Variants in ADGRG1 observed in about 807,000 individuals in gnomAD.
ADGRG1 encodes adhesion G protein-coupled receptor G1.
A neutral mutation model predicts 73.5 loss-of-function variants in ADGRG1; 53 were observed. The ratio of observed to expected loss-of-function variants is 0.72; its 90% CI spans 0.58 to 0.91. The LOEUF (loss-of-function observed/expected upper bound fraction) is 0.91. ADGRG1 is among the 40% of genes least tolerant of loss of function. ADGRG1 has a pLI of 0.00. For missense variants in ADGRG1, 795 were observed against 871.8 expected, an observed-to-expected ratio of 0.91 and a Z score of 1.11; for synonymous variants, 394 against 374.4, an observed-to-expected ratio of 1.05 and a Z score of -0.60.
rs2047984309 is a variant in ADGRG1, at chr16:57,664,949, G to A, written c.*1367G>A. 1 of 153,200 alleles carries A rather than the reference G, an allele frequency of 6.5e-6. No homozygotes were observed. Among genetic ancestry groups the A allele is most frequent in the Non-Finnish European group, 1.5e-5 (1 of 68,036 alleles). 9.5% of individuals were successfully genotyped at this position (153,200 alleles called of 1,614,324 possible). ...CTTTTGATATTAAAAAGAAGTACATGTTCATTGTAGAGAATTTGGAAACTG... is the reference window on the plus strand; with the variant it reads ...CTTTTGATATTAAAAAGAAGTACATATTCATTGTAGAGAATTTGGAAACTG... On this transcript the variant is annotated 3_prime_UTR_variant, in exon 14 of 14. Coordinates refer to ENST00000562631, the MANE Select transcript of ADGRG1 (RefSeq NM_201525.4).
rs765396429 is a variant in ADGRG1, at chr16:57,656,533, G to C, written c.1083G>C (p.Trp361Cys). Residue 361 changes from tryptophan (W) to cysteine (C), a missense_variant, in exon 9 of 14, where the codon TGG becomes TGC. Trp to Cys is a radical substitution (Grantham distance 215). Coordinates refer to ENST00000562631, the MANE Select transcript of ADGRG1 (RefSeq NM_201525.4). ...EDPTLSSPGH[W>C]SSAGCETVRR... The stretch of plus-strand genomic sequence containing the variant: ...CCTCAGTGAGCAGCCCGGGGCATTG[G>C]AGCAGTGCTGGGTGTGAGACCGTCA... 1.2e-6 allele frequency: 2 copies of C among 1,613,562 alleles called. No homozygotes were observed. The highest frequency in any genetic ancestry group is 2.2e-5 in the South Asian group (2 of 91,070).
chr16:57,661,338 C>T (rs568274035), intron 12 of ADGRG1: 39 of 984,728 alleles, frequency 4.0e-5, no homozygotes, highest in Middle Eastern at 1.0e-3. Flanking sequence ...AGGCTGGCAG[C>T]GGCCCTGCCT....
intron 12 of ADGRG1, chr16:57,661,384 C>G: frequency 1.0e-6 from 1 of 985,308 alleles, no homozygotes; most frequent in Non-Finnish European, 1.2e-6. Flanking sequence ...AGCCAGGGTT[C>G]CTGAGCTCCA....
In ADGRG1 at chr16:57,651,460, G is replaced by A; in HGVS notation, c.325G>A (p.Asp109Asn). 1 of 1,614,226 alleles carries A rather than the reference G, an allele frequency of 6.2e-7. No individual in the cohort carries two copies. The highest frequency in any genetic ancestry group is 8.5e-7 in the Non-Finnish European group (1 of 1,180,038). ...ATTACATCTTCTCTATGGCAAGCGT[G>A]ACTTCTTGCTGAGTGACAAAGCCTC... ...GRLHLLYGKR[D>N]FLLSDKASSL... Residue 109 changes from aspartate to asparagine, a missense_variant, in exon 3 of 14, where the codon GAC becomes AAC. Transcript: ENST00000562631.
chr16:57,630,394 T>C (rs1413687942), intron 1 of ADGRG1: 3 of 985,780 alleles, frequency 3.0e-6, no homozygotes, highest in Non-Finnish European at 2.4e-6. Flanking sequence ...GGACCCGAGA[T>C]ATGCACCCAC....
Position 57,657,503 on chromosome 16 carries a change from A to C in ADGRG1, c.1286+12A>C. 1 of 1,595,956 alleles carries C rather than the reference A, an allele frequency of 6.3e-7. No homozygotes were observed. The highest frequency in any genetic ancestry group is 2.2e-5 in the East Asian group (1 of 44,764). ...TACCTCTGCTCCAGGTGAGGCCTGA[A>C]AGGGGTGGGACAGGGGAGGGGACCC... On this transcript the variant is annotated intron_variant, in intron 10 of 13. Coordinates refer to ENST00000562631, the MANE Select transcript of ADGRG1 (RefSeq NM_201525.4).
chr16:57,660,759 C>T lies in ADGRG1; in HGVS notation c.1556-9C>T, dbSNP rs753055286. 6 of 1,583,552 alleles carry T rather than the reference C, an allele frequency of 3.8e-6. No individual in the cohort carries two copies. The highest frequency in any genetic ancestry group is 5.2e-6 in the Non-Finnish European group (6 of 1,153,500). ...CGGGAAGTAGAGCAACATGCATTGC[C>T]ACCCTCAGGCTTCCCCATCTTTCTG... On this transcript the variant is annotated splice_polypyrimidine_tract_variant and intron_variant, in intron 11 of 13. Coordinates refer to ENST00000562631, the MANE Select transcript of ADGRG1 (RefSeq NM_201525.4).
upstream of ADGRG1, among the ~76,000 whole-genome samples, chr16:57,625,299 G>A (rs34028183): frequency 0.021 from 3,261 of 152,204 alleles, 101 homozygotes; most frequent in East Asian, 0.16. Context: ...ACACAGAGCT[G>A]CCCCCATTCC....
chr16:57,651,262 A>G lies in ADGRG1; in HGVS notation c.127A>G (p.Arg43Gly). The G allele has an allele frequency of 6.2e-7, 1 of 1,614,116 alleles. No individual in the cohort carries two copies. Among genetic ancestry groups the G allele is most frequent in the Non-Finnish European group, 8.5e-7 (1 of 1,180,000 alleles). The change falls in exon 3 of 14, where the codon AGG (arginine) becomes GGG (glycine). Residue 43 changes from arginine to glycine, a missense_variant. Coordinates refer to ENST00000562631, the MANE Select transcript of ADGRG1 (RefSeq NM_201525.4). The part of the protein sequence containing the change: ...RFCSQRNQTH[R>G]SSLHYKPTPD... ...CTGCAGCCAGCGGAACCAGACACAC[A>G]GGAGCAGCCTCCACTACAAACCCAC...
chr16:57,646,721 G>T (rs1257381703), intron 1 of ADGRG1: 1 of 982,276 alleles, frequency 1.0e-6, no homozygotes, highest in Non-Finnish European at 1.2e-6. Flanking sequence ...CACCACGCTC[G>T]TGTGATCTCA....
chr16:57,623,336 C>T (rs1035513080), upstream of ADGRG1, among the ~76,000 whole-genome samples: 4 of 152,222 alleles, frequency 2.6e-5, no homozygotes. Flanking sequence ...CAAGCTCCAG[C>T]GCTTTTGAAA....
intron 1 of ADGRG1, 64 bp downstream of exon 1, chr16:57,628,866 G>T: frequency 3.1e-6 from 3 of 981,792 alleles, no homozygotes; most frequent in Non-Finnish European, 3.6e-6. Flanking sequence ...GAGTGTGAGT[G>T]TGTGAGCGTG....
At position 57,660,861 on chromosome 16, in the gene ADGRG1, TC is replaced by T; in HGVS notation, c.1650del (p.Ile551SerfsTer33). Reference protein sequence around the residue: ...ILAVHRTPEGVIYPSMCWIRD... With the variant: ...ILAVHRTPEGXIYPSMCWIRD... ...GCTGTGCATAGGACTCCAGAGGGCG[TC>T]ATCTACCCTTCCATGTGAGTGGCTG... On this transcript the variant is annotated frameshift_variant, in exon 12 of 14. Transcript: ENST00000562631. LOFTEE classifies it high-confidence loss of function. The T allele has an allele frequency of 6.3e-7, 1 of 1,591,092 alleles. No homozygotes were observed. Among genetic ancestry groups the T allele is most frequent in the African/African-American group, 1.3e-5 (1 of 74,628 alleles).
intron 1 of ADGRG1, chr16:57,630,866 G>A (rs2037658227): frequency 1.3e-6 from 1 of 773,182 alleles, no homozygotes; most frequent in Non-Finnish European, 1.6e-6. Context: ...AACATTTGGG[G>A]AACGATACAA....
At chr16:57,657,584 C>T (rs1270679815) in intron 10 of ADGRG1, 93 bp downstream of exon 10, 10 of 973,486 alleles carry the variant, frequency 1.0e-5, no homozygotes, top group Middle Eastern at 2.7e-4. Context: ...ATGGCCCGCC[C>T]GCATGACCTG....
At chr16:57,652,813 C>G in intron 3 of ADGRG1, 1 of 1,097,902 alleles carries the variant, frequency 9.1e-7, no homozygotes, top group Non-Finnish European at 1.1e-6. Flanking sequence ...GCAGAGGGGC[C>G]CGAGCCTGGA....
intron 1 of ADGRG1, chr16:57,630,555 G>T (rs1389598883): frequency 1.0e-6 from 1 of 982,792 alleles, no homozygotes; most frequent in Non-Finnish European, 1.2e-6. Context: ...GATGGAGAAC[G>T]CCGCTCCAGG....
rs370937701 is a variant in ADGRG1, at chr16:57,636,481, G to C, written c.-36+7679G>C. 270 of 985,308 alleles carry C rather than the reference G, an allele frequency of 2.7e-4. 1 individual carries two copies. In the African/African-American group the frequency reaches 3.1e-3, roughly 11 times the overall value. The allele number at this position is 985,308 out of a possible 1,614,324, so 61.0% of individuals were successfully genotyped here. ...GGAACCGTTCTCTGGCCAAGCAGCC[G>C]GCAGAGGTGTGTGTGCTCCTGATCC... On this transcript the variant is annotated intron_variant, in intron 1 of 13. Coordinates refer to ENST00000562631, the MANE Select transcript of ADGRG1 (RefSeq NM_201525.4).
In ADGRG1 at chr16:57,628,926, G is replaced by GAA. The variant is rs138030709; in HGVS notation, c.-36+125_-36+126insAA. The GAA allele has an allele frequency of 1.1e-5, 7 of 662,432 alleles. 1 individual carries two copies. Among genetic ancestry groups the GAA allele is most frequent in the African/African-American group, 7.0e-5 (1 of 14,210 alleles). The allele number at this position is 662,432 out of a possible 1,614,324, so 41.0% of individuals were successfully genotyped here. A position where few individuals can be genotyped will look rare whatever the true frequency, so the allele number is the denominator to read the frequency against. On this transcript the variant is annotated intron_variant, in intron 1 of 13. Coordinates refer to ENST00000562631, the MANE Select transcript of ADGRG1 (RefSeq NM_201525.4). Reference sequence around the variant, plus strand: ...AGTGTGAGTGTGTGAGAGTGAGTGTGAGTGTGAGTGTGAGCGTGAGAGTGT... The same window carrying GAA: ...AGTGTGAGTGTGTGAGAGTGAGTGTGAAAGTGTGAGTGTGAGCGTGAGAGTGT...
Sources: gnomAD v4.1 joint callset for allele counts (sites outside exome capture counted in the v4.1 genomes callset) on GRCh38, gnomAD v4.1.1 for gene constraint, MANE v1.5 for transcripts, NCBI Gene and HGNC (gene_info 2026-07-23, HGNC 2026-07-21) for gene names.